Variants in TXNRD1 observed in about 807,000 individuals in gnomAD.
The protein encoded by TXNRD1 is thioredoxin reductase 1.
A neutral mutation model predicts 80.3 loss-of-function variants in TXNRD1; 57 were observed. The observed-to-expected ratio is 0.71, with a 90% CI of 0.57 to 0.89. TXNRD1 has a LOEUF of 0.89. Ranked by LOEUF, TXNRD1 falls within the 40% of genes least tolerant of loss-of-function variation. The pLI is 0.00. For synonymous variants in TXNRD1, 291 were observed against 285.2 expected (o/e 1.02, Z -0.20); for missense variants, 730 against 803.0 (o/e 0.91, Z 1.10).
intron 3 of TXNRD1, chr12:104,265,390 T>C: frequency 1.2e-6 from 2 of 1,606,896 alleles, no homozygotes; most frequent in African/African-American, 2.7e-5. Context: ...GCCGCCCCTC[T>C]ACCGCATGCG....
intron 3 of TXNRD1, among the ~76,000 whole-genome samples, chr12:104,277,868 T>A (rs538403985): frequency 6.9e-6 from 1 of 145,278 alleles, no homozygotes; most frequent in East Asian, 2.1e-4. Context: ...TTTGTGACCT[T>A]TGGCAAGATT....
At chr12:104,320,960 G>A in intron 9 of TXNRD1, 131 bp from the exon 10 acceptor site, 1 of 684,308 alleles carries the variant, frequency 1.5e-6, no homozygotes, top group Middle Eastern at 3.3e-4. Context: ...TATTATGTGT[G>A]TAGCTAGTAG....
At chr12:104,254,367 T>C (rs2033192137) in intron 2 of TXNRD1, among the ~76,000 whole-genome samples, 2 of 152,084 alleles carry the variant, frequency 1.3e-5, no homozygotes, top group South Asian at 4.1e-4. Flanking sequence ...GAGGCTAGAT[T>C]AAATGGTAAT....
At chr12:104,222,850 C>A (rs369063469) in intron 1 of TXNRD1, among the ~76,000 whole-genome samples, 1 of 152,010 alleles carries the variant, frequency 6.6e-6, no homozygotes. Context: ...GACTCTGTCT[C>A]AAAAAACAAA....
chr12:104,325,806 A>G (rs2135847834), intron 11 of TXNRD1, among the ~76,000 whole-genome samples: 2 of 151,366 alleles, frequency 1.3e-5, no homozygotes, highest in Middle Eastern at 3.4e-3. Context: ...CAGGAGACCT[A>G]GGTTGCAGTG....
At chr12:104,235,982 G>T (rs2032729907) in intron 1 of TXNRD1, among the ~76,000 whole-genome samples, 1 of 152,160 alleles carries the variant, frequency 6.6e-6, no homozygotes, top group South Asian at 2.1e-4. Flanking sequence ...ATCAAGGGCA[G>T]GGTTTACAAA....
At chr12:104,325,741 G>A (rs552128176) in intron 11 of TXNRD1, among the ~76,000 whole-genome samples, 3 of 152,178 alleles carry the variant, frequency 2.0e-5, no homozygotes, top group African/African-American at 4.8e-5. Flanking sequence ...GCGTGGTGGC[G>A]TGCGCCTGTA....
chr12:104,232,533 C>T (rs964487943), intron 1 of TXNRD1, among the ~76,000 whole-genome samples: 2 of 151,618 alleles, frequency 1.3e-5, no homozygotes, highest in South Asian at 2.1e-4. Context: ...TGCACTCCAG[C>T]GTAGGTGACA....
chr12:104,225,805 C>T (rs1340449335), intron 1 of TXNRD1, among the ~76,000 whole-genome samples: 1 of 151,880 alleles, frequency 6.6e-6, no homozygotes, highest in Non-Finnish European at 1.5e-5. Context: ...TTCCTCCATC[C>T]CTTCATAAGA....
At chr12:104,338,462 A>G (rs75295675) in intron 15 of TXNRD1, among the ~76,000 whole-genome samples, 3,257 of 151,504 alleles carry the variant, frequency 0.021, 93 homozygotes, top group Non-Finnish European at 0.032. Flanking sequence ...TGGGAGGCCG[A>G]GGTGCGTGGA....
At chr12:104,305,017 G>C (rs189094565) in intron 4 of TXNRD1, 4 of 1,359,412 alleles carry the variant, frequency 2.9e-6, no homozygotes, top group Non-Finnish European at 2.0e-6. Context: ...AGCACATATT[G>C]TATCTCTTGT....
chr12:104,267,727 CT>C (rs1353410761), intron 3 of TXNRD1, among the ~76,000 whole-genome samples: 4 of 122,850 alleles, frequency 3.3e-5, no homozygotes, highest in African/African-American at 8.7e-5. Flanking sequence ...CTTTCTCTTT[CT>C]TTCTTTCCTT....
chr12:104,318,047 A>G (rs998645599), intron 7 of TXNRD1, among the ~76,000 whole-genome samples: 1 of 152,218 alleles, frequency 6.6e-6, no homozygotes, highest in Non-Finnish European at 1.5e-5. Context: ...AGGCTGAGGC[A>G]CGAGAATAGC....
chr12:104,246,898 C>G (rs2033008269), intron 1 of TXNRD1, among the ~76,000 whole-genome samples: 1 of 152,090 alleles, frequency 6.6e-6, no homozygotes, highest in African/African-American at 2.4e-5. Flanking sequence ...TTACTGATCT[C>G]TGTTTACTTT....
chr12:104,318,953 T>G lies in TXNRD1; in HGVS notation c.771T>G (p.Asn257Lys). The G allele has an allele frequency of 6.2e-7, 1 of 1,613,912 alleles. No homozygotes were observed. Among genetic ancestry groups the G allele is most frequent in the South Asian group, 1.1e-5 (1 of 91,060 alleles). The change falls in exon 8 of 17, where the codon AAT (asparagine) becomes AAG (lysine). Residue 257 changes from asparagine (N) to lysine (K), a missense_variant. Coordinates refer to ENST00000525566, the MANE Select transcript of TXNRD1 (RefSeq NM_001093771.3). The stretch of plus-strand genomic sequence containing the variant: ...ACAGAATGATAGAAGCTGTACAGAA[T>G]CACATTGGCTCTTTGAATTGGGGCT... ...DWDRMIEAVQNHIGSLNWGYR... is the reference protein window; with the variant it reads ...DWDRMIEAVQKHIGSLNWGYR...
At chr12:104,279,313 G>A (rs966692662) in intron 3 of TXNRD1, among the ~76,000 whole-genome samples, 8 of 152,288 alleles carry the variant, frequency 5.3e-5, no homozygotes, top group South Asian at 4.1e-4. Flanking sequence ...AAGAATAGAT[G>A]GTAACATGAG....
At chr12:104,326,239 G>A in intron 11 of TXNRD1, 108 bp from the exon 12 acceptor site, 1 of 730,012 alleles carries the variant, frequency 1.4e-6, no homozygotes, top group Non-Finnish European at 2.2e-6. Flanking sequence ...TTATTTCCAA[G>A]TTTGAAAAAT....
Position 104,315,868 on chromosome 12 carries a change from A to T in TXNRD1, c.702A>T (p.Arg234=). ...ALLGQALQDS[R]NYGWKVEETV... is the part of the protein sequence containing the mutation. ...TAGGACAAGCCCTGCAAGACTCTCG[A>T]AATTATGGATGGAAAGTCGAGGAGA... Residue 234 remains arginine (R), a synonymous_variant, in exon 7 of 17, where the codon CGA becomes CGT. Coordinates refer to ENST00000525566, the MANE Select transcript of TXNRD1 (RefSeq NM_001093771.3). 3.1e-6 allele frequency: 5 copies of T among 1,611,990 alleles called. No homozygotes were observed. Among genetic ancestry groups the T allele is most frequent in the Non-Finnish European group, 4.2e-6 (5 of 1,178,582 alleles).
intron 10 of TXNRD1, among the ~76,000 whole-genome samples, chr12:104,323,556 C>T (rs1377776253): frequency 1.9e-4 from 26 of 134,370 alleles, no homozygotes; most frequent in Non-Finnish European, 3.2e-4. Context: ...CCCTCCCGGA[C>T]GGGGCGGCTG....
Sources: allele counts gnomAD v4.1 joint callset (sites outside exome capture counted in the v4.1 genomes callset), GRCh38; gene constraint gnomAD v4.1.1; transcripts MANE v1.5; gene names NCBI Gene and HGNC (gene_info 2026-07-23, HGNC 2026-07-21).